The following NAALADL2 variants were observed in gnomAD, a reference collection of about 807,000 sequenced individuals.
The protein encoded by NAALADL2 is N-acetylated alpha-linked acidic dipeptidase like 2.
In NAALADL2, 76 loss-of-function variants were observed where a neutral mutation model predicts 87.2. That is an observed-to-expected ratio of 0.87 (90% CI 0.72 to 1.05). NAALADL2 has a LOEUF of 1.05. Ranked by LOEUF, NAALADL2 falls within the 50% of genes least tolerant of loss-of-function variation. The pLI is 0.00. For synonymous variants in NAALADL2, 354 were observed against 331.0 expected (o/e 1.07, Z -0.75); for missense variants, 1,089 against 945.8 (o/e 1.15, Z -1.99).
intron 1 of NAALADL2, among the ~76,000 whole-genome samples, chr3:175,054,752 C>G (rs1711754976): frequency 6.6e-6 from 1 of 152,170 alleles, no homozygotes; most frequent in Non-Finnish European, 1.5e-5. Context: ...TTCCTTCAAA[C>G]CTTGCAAATT....
intron 9 of NAALADL2, among the ~76,000 whole-genome samples, chr3:175,573,994 A>G (rs1375468959): frequency 6.6e-6 from 1 of 152,214 alleles, no homozygotes; most frequent in Non-Finnish European, 1.5e-5. Context: ...GTAAAGGTTC[A>G]TACTGGCTTT....
At chr3:175,442,116 T>C (rs1183811728) in intron 5 of NAALADL2, among the ~76,000 whole-genome samples, 1 of 152,032 alleles carries the variant, frequency 6.6e-6, no homozygotes, top group Middle Eastern at 3.2e-3. Context: ...AGCTAATTTT[T>C]GTAATTTCAG....
At chr3:175,614,487 G>C (rs1336655743) in intron 10 of NAALADL2, among the ~76,000 whole-genome samples, 1 of 152,166 alleles carries the variant, frequency 6.6e-6, no homozygotes, top group Admixed American at 6.5e-5. Context: ...AGTGTTGATA[G>C]CATTGTGACA....
intron 11 of NAALADL2, among the ~76,000 whole-genome samples, chr3:175,702,843 T>A (rs1168310746): frequency 2.6e-5 from 4 of 151,696 alleles, no homozygotes; most frequent in African/African-American, 9.7e-5. Flanking sequence ...TGGAAGAAAA[T>A]AGTGGTATGG....
At chr3:174,934,777 C>G (rs1251017394) in intron 1 of NAALADL2, among the ~76,000 whole-genome samples, 1 of 151,842 alleles carries the variant, frequency 6.6e-6, no homozygotes, top group Non-Finnish European at 1.5e-5. Flanking sequence ...TCAAAGAATG[C>G]ACAATGTTGG....
In NAALADL2 at chr3:175,803,971, A is replaced by C. The variant is rs906633605; in HGVS notation, c.*768A>C. ...GATGTATGTCTTAAGAGGGAGAAAAAAATATTTCTTATTACTTTTTCTCTT... is the reference window on the plus strand; with the variant it reads ...GATGTATGTCTTAAGAGGGAGAAAACAATATTTCTTATTACTTTTTCTCTT... On this transcript the variant is annotated 3_prime_UTR_variant, in exon 14 of 14. Transcript: ENST00000454872. 6.6e-6 allele frequency: 1 copy of C among 152,268 alleles called. No homozygotes were observed. The highest frequency in any genetic ancestry group is 2.4e-5 in the African/African-American group (1 of 41,392). 9.4% of individuals were successfully genotyped at this position (152,268 alleles called of 1,614,324 possible).
intron 2 of NAALADL2, among the ~76,000 whole-genome samples, chr3:175,107,855 T>C (rs1233257949): frequency 1.3e-5 from 2 of 151,932 alleles, no homozygotes; most frequent in Non-Finnish European, 2.9e-5. Context: ...CTAAAAATGC[T>C]TAATCATTTT....
intron 1 of NAALADL2, among the ~76,000 whole-genome samples, chr3:175,045,698 G>T (rs1226159492): frequency 6.6e-6 from 1 of 152,122 alleles, no homozygotes; most frequent in Non-Finnish European, 1.5e-5. Context: ...TGGCAAGGAT[G>T]AGCCCAGATA....
intron 1 of NAALADL2, among the ~76,000 whole-genome samples, chr3:174,900,872 T>G: frequency 6.6e-6 from 1 of 152,080 alleles, no homozygotes; most frequent in East Asian, 1.9e-4. Context: ...ATCAGTAAGC[T>G]TCTTTAGAGT....
chr3:175,039,210 A>G (rs1022907219), intron 1 of NAALADL2, among the ~76,000 whole-genome samples: 1 of 152,164 alleles, frequency 6.6e-6, no homozygotes, highest in Non-Finnish European at 1.5e-5. Context: ...CTTGTAGCCC[A>G]TGCTAGAGAG....
chr3:174,948,097 A>G (rs1376687679), intron 1 of NAALADL2, among the ~76,000 whole-genome samples: 1 of 152,102 alleles, frequency 6.6e-6, no homozygotes, highest in Non-Finnish European at 1.5e-5. Flanking sequence ...AAAATACAAA[A>G]TGTTTCCTGA....
chr3:174,704,811 A>G (rs1298669296), intron 2 of NAALADL2, among the ~76,000 whole-genome samples: 1 of 152,128 alleles, frequency 6.6e-6, no homozygotes, highest in East Asian at 1.9e-4. Flanking sequence ...AACATAATTG[A>G]TAGGTTCTTT....
At chr3:175,702,421 T>C (rs999274662) in intron 11 of NAALADL2, among the ~76,000 whole-genome samples, 3 of 151,874 alleles carry the variant, frequency 2.0e-5, no homozygotes, top group African/African-American at 7.3e-5. Flanking sequence ...AATCAAAACA[T>C]CTTAAAAGAG....
intron 2 of NAALADL2, among the ~76,000 whole-genome samples, chr3:174,684,496 G>A (rs1192835449): frequency 6.6e-6 from 1 of 151,958 alleles, no homozygotes; most frequent in Admixed American, 6.6e-5. Context: ...TAATCAGAAG[G>A]AATATAATTG....
At chr3:175,104,838 A>G (rs1046545235) in intron 2 of NAALADL2, among the ~76,000 whole-genome samples, 1 of 152,170 alleles carries the variant, frequency 6.6e-6, no homozygotes, top group East Asian at 1.9e-4. Context: ...GAAAAGGAAT[A>G]CATAGGATAA....
At chr3:174,670,301 C>T (rs508937) in intron 2 of NAALADL2, among the ~76,000 whole-genome samples, 96,609 of 151,740 alleles carry the variant, frequency 0.64, 31,467 homozygotes, top group Admixed American at 0.72. Context: ...GAGTGGACAT[C>T]CTTCACATAC....
At chr3:174,832,685 C>T (rs1220743136) in intron 3 of NAALADL2, among the ~76,000 whole-genome samples, 1 of 152,114 alleles carries the variant, frequency 6.6e-6, no homozygotes, top group African/African-American at 2.4e-5. Flanking sequence ...CCAAGATGGT[C>T]TCGATCTCTT....
chr3:175,583,118 C>A (rs1720018630), intron 10 of NAALADL2, among the ~76,000 whole-genome samples: 1 of 152,178 alleles, frequency 6.6e-6, no homozygotes, highest in African/African-American at 2.4e-5. Flanking sequence ...ATACTCAGAA[C>A]TCTTTCGGTA....
intron 1 of NAALADL2, among the ~76,000 whole-genome samples, chr3:174,933,170 C>A (rs1183300565): frequency 2.6e-5 from 4 of 152,168 alleles, no homozygotes; most frequent in Admixed American, 2.6e-4. Context: ...TCTGCTGAAC[C>A]TTGCTGCCTT....
Sources: gnomAD v4.1 joint callset for allele counts (sites outside exome capture counted in the v4.1 genomes callset) on GRCh38, gnomAD v4.1.1 for gene constraint, MANE v1.5 for transcripts, NCBI Gene and HGNC (gene_info 2026-07-23, HGNC 2026-07-21) for gene names.